DTNB: variants seen among roughly 807,000 people sequenced by gnomAD.
The protein encoded by DTNB is DTN-B.
In DTNB, 63 loss-of-function variants were observed where a neutral mutation model predicts 90.7. The ratio of observed to expected loss-of-function variants is 0.69; its 90% CI spans 0.57 to 0.86. DTNB has a LOEUF of 0.86. Ranked by LOEUF, DTNB falls within the 40% of genes least tolerant of loss-of-function variation. The pLI is 0.00. For missense variants in DTNB, 744 were observed against 807.1 expected (o/e 0.92, Z 0.95); for synonymous variants, 277 against 286.7 (o/e 0.97, Z 0.34).
chr2:25,639,010 T>A lies in DTNB; in HGVS notation c.148+4A>T. On this transcript the variant is annotated splice_donor_region_variant and intron_variant, in intron 3 of 20. Transcript: ENST00000406818. ...TATCACAGAAATGAGTAGAAATGAC[T>A]CACGGTTGCATCGTTTTTGTACAAA... is the stretch of plus-strand genomic sequence containing the variant. 6.3e-7 allele frequency: 1 copy of A among 1,578,256 alleles called. No homozygotes were observed. Among genetic ancestry groups the A allele is most frequent in the East Asian group, 2.3e-5 (1 of 44,232 alleles).
chr2:25,570,970 A>G (rs1300715896), intron 8 of DTNB, among the ~76,000 whole-genome samples: 1 of 152,208 alleles, frequency 6.6e-6, no homozygotes, highest in African/African-American at 2.4e-5. Flanking sequence ...ACGGATATCT[A>G]ATAAGCAACT....
intron 6 of DTNB, among the ~76,000 whole-genome samples, chr2:25,587,585 A>G (rs1257233648): frequency 4.6e-5 from 7 of 152,138 alleles, no homozygotes; most frequent in Non-Finnish European, 1.0e-4. Context: ...TCAGTGGGGA[A>G]GCGGGGGGAA....
At chr2:25,441,064 C>T (rs1045436592) in intron 12 of DTNB, among the ~76,000 whole-genome samples, 2 of 152,196 alleles carry the variant, frequency 1.3e-5, no homozygotes, top group African/African-American at 4.8e-5. Context: ...ATCTCTGAAG[C>T]TTCAACTCAG....
chr2:25,626,971 A>G (rs1268740036), intron 4 of DTNB, among the ~76,000 whole-genome samples: 1 of 152,258 alleles, frequency 6.6e-6, no homozygotes, highest in Non-Finnish European at 1.5e-5. Flanking sequence ...TCTTTACAAT[A>G]CCAACTCAAT....
At chr2:25,639,263 G>A (rs994563497) in intron 2 of DTNB, 169 bp from the exon 3 acceptor site, 4 of 542,124 alleles carry the variant, frequency 7.4e-6, no homozygotes, top group African/African-American at 3.8e-5. Flanking sequence ...TAGGAAACAC[G>A]TGCATCTCCA....
chr2:25,463,933 C>T (rs2061392140), intron 10 of DTNB, among the ~76,000 whole-genome samples: 2 of 152,184 alleles, frequency 1.3e-5, no homozygotes, highest in African/African-American at 4.8e-5. Flanking sequence ...AGAGCCTGGG[C>T]TCTGTTGCCC....
intron 9 of DTNB, among the ~76,000 whole-genome samples, chr2:25,509,746 CTTTTTTTTTTT>C (rs36101268): frequency 4.8e-5 from 4 of 83,738 alleles, no homozygotes; most frequent in Non-Finnish European, 6.9e-5. Flanking sequence ...CTTTTAGATT[CTTTTTTTTTTT>C]TTTTTTTTTT....
At chr2:25,619,426 T>C (rs2071797939) in intron 4 of DTNB, among the ~76,000 whole-genome samples, 1 of 152,238 alleles carries the variant, frequency 6.6e-6, no homozygotes, top group Non-Finnish European at 1.5e-5. Context: ...AAGAATCCAT[T>C]TGGCAAATGT....
intron 3 of DTNB, among the ~76,000 whole-genome samples, chr2:25,638,442 C>T (rs967822301): frequency 6.6e-6 from 1 of 152,218 alleles, no homozygotes; most frequent in Non-Finnish European, 1.5e-5. Flanking sequence ...ACTTTTTCCA[C>T]TGATACACAC....
intron 4 of DTNB, among the ~76,000 whole-genome samples, chr2:25,624,785 T>C (rs1354822302): frequency 6.6e-6 from 1 of 152,232 alleles, no homozygotes; most frequent in Non-Finnish European, 1.5e-5. Context: ...AGCACCTTTG[T>C]TGTACCTTTG....
intron 9 of DTNB, among the ~76,000 whole-genome samples, chr2:25,504,220 A>C (rs2071627709): frequency 6.6e-6 from 1 of 152,052 alleles, no homozygotes; most frequent in Non-Finnish European, 1.5e-5. Flanking sequence ...TTGAGCCAAG[A>C]TCGCACCACT....
rs750657967 is a variant in DTNB at position 25,576,879 on chromosome 2, G to A, written c.835C>T (p.Pro279Ser). ...TTCATCTGGTGCTGGTTGCTGTGAG[G>A]GCCGCCGGCATGGCCACGCCAAAAG... Reference protein sequence around the residue: ...NCFWRGHAGGPHSNQHQMKEH... With the variant: ...NCFWRGHAGGSHSNQHQMKEH... The change falls in exon 8 of 21, where the codon CCT becomes TCT. Residue 279 changes from proline (P) to serine (S), a missense_variant. Transcript: ENST00000406818. The A allele has an allele frequency of 8.0e-5, 129 of 1,613,076 alleles. No homozygotes were observed. The Admixed American group carries it at 2.1e-3, about 27-fold the overall frequency.
At chr2:25,587,536 A>G (rs1214641001) in intron 6 of DTNB, among the ~76,000 whole-genome samples, 1 of 152,074 alleles carries the variant, frequency 6.6e-6, no homozygotes. Flanking sequence ...ACAGCCCCAC[A>G]CCCCACAGGC....
intron 9 of DTNB, among the ~76,000 whole-genome samples, chr2:25,525,644 A>G (rs2076950165): frequency 6.6e-6 from 1 of 152,182 alleles, no homozygotes; most frequent in African/African-American, 2.4e-5. Flanking sequence ...CTCAAAAAAA[A>G]AAGAAAAAAA....
intron 4 of DTNB, among the ~76,000 whole-genome samples, chr2:25,627,279 G>A (rs1169836692): frequency 6.6e-6 from 1 of 152,106 alleles, no homozygotes; most frequent in East Asian, 1.9e-4. Context: ...GGGCGTGGTG[G>A]CGCATGTCTG....
intron 6 of DTNB, among the ~76,000 whole-genome samples, chr2:25,589,865 A>G (rs1333131990): frequency 1.3e-5 from 2 of 152,022 alleles, no homozygotes; most frequent in Non-Finnish European, 2.9e-5. Context: ...GGCAGGCTGC[A>G]CTCGGCTCAC....
At chr2:25,410,578 AG>A in intron 16 of DTNB, among the ~76,000 whole-genome samples, 2 of 152,316 alleles carry the variant, frequency 1.3e-5, no homozygotes, top group East Asian at 3.9e-4. Context: ...TGATGAAAAG[AG>A]GGGAAATGAG....
At chr2:25,540,971 C>G (rs947424893) in intron 8 of DTNB, among the ~76,000 whole-genome samples, 4 of 151,384 alleles carry the variant, frequency 2.6e-5, no homozygotes, top group Non-Finnish European at 5.9e-5. Flanking sequence ...CTGACCTTCC[C>G]TCCACTATTG....
chr2:25,617,035 G>A (rs1451623937), intron 4 of DTNB, among the ~76,000 whole-genome samples: 1 of 150,398 alleles, frequency 6.6e-6, no homozygotes, highest in African/African-American at 2.5e-5. Flanking sequence ...GAGATCCACT[G>A]TTTAACCATT....
Sources: allele counts gnomAD v4.1 joint callset (sites outside exome capture counted in the v4.1 genomes callset), GRCh38; gene constraint gnomAD v4.1.1; transcripts MANE v1.5; gene names NCBI Gene and HGNC (gene_info 2026-07-23, HGNC 2026-07-21).